Variants in THSD7B observed in about 807,000 individuals in gnomAD.
The protein encoded by THSD7B is thrombospondin type-1 domain-containing protein 7B.
In THSD7B, 138 loss-of-function variants were observed where a neutral mutation model predicts 213.6. The observed-to-expected ratio is 0.65, with a 90% CI of 0.56 to 0.74. THSD7B has a LOEUF of 0.74. Ranked by LOEUF, THSD7B falls within the 30% of genes least tolerant of loss-of-function variation. The pLI, the probability that THSD7B is intolerant of heterozygous loss-of-function variation, is 0.00. For synonymous variants in THSD7B, 742 were observed against 687.0 expected (o/e 1.08, Z -1.25); for missense variants, 1,931 against 1,991.5 (o/e 0.97, Z 0.58).
At chr2:136,811,125 A>G (rs1682368112) in intron 1 of THSD7B, among the ~76,000 whole-genome samples, 1 of 152,222 alleles carries the variant, frequency 6.6e-6, no homozygotes, top group South Asian at 2.1e-4. Context: ...GGCTCTACAC[A>G]GGAATGGGCC....
intron 12 of THSD7B, among the ~76,000 whole-genome samples, chr2:137,312,761 T>C (rs1683952812): frequency 6.6e-6 from 1 of 150,874 alleles, no homozygotes; most frequent in African/African-American, 2.4e-5. Context: ...CATTTCATTA[T>C]GTACCCAGTA....
chr2:137,331,979 C>A (rs571200879), intron 12 of THSD7B, among the ~76,000 whole-genome samples: 2 of 152,152 alleles, frequency 1.3e-5, no homozygotes, highest in East Asian at 3.9e-4. Context: ...GGTTCCCACT[C>A]GCGCCTCTCC....
chr2:137,474,766 C>T (rs1192562216), intron 15 of THSD7B, among the ~76,000 whole-genome samples: 1 of 152,182 alleles, frequency 6.6e-6, no homozygotes, highest in Non-Finnish European at 1.5e-5. Flanking sequence ...ATTAAACTCT[C>T]ATAATCCCAA....
chr2:137,091,232 A>G (rs114433812), intron 3 of THSD7B, among the ~76,000 whole-genome samples: 278 of 152,294 alleles, frequency 1.8e-3, no homozygotes, highest in African/African-American at 6.5e-3. Context: ...CTGGTCCAGG[A>G]GGAAAAGTCA....
chr2:137,122,783 C>T (rs1433690627), intron 5 of THSD7B, among the ~76,000 whole-genome samples: 1 of 152,150 alleles, frequency 6.6e-6, no homozygotes, highest in Non-Finnish European at 1.5e-5. Context: ...TTTCCTCCCT[C>T]ACACATTTAC....
intron 15 of THSD7B, among the ~76,000 whole-genome samples, chr2:137,526,963 C>T (rs767356842): frequency 2.0e-5 from 3 of 151,936 alleles, no homozygotes; most frequent in Non-Finnish European, 2.9e-5. Context: ...TTATCCAATC[C>T]GTAACAAACC....
chr2:137,032,820 A>G (rs1440518356), intron 2 of THSD7B, among the ~76,000 whole-genome samples: 1 of 152,216 alleles, frequency 6.6e-6, no homozygotes, highest in African/African-American at 2.4e-5. Flanking sequence ...GTATCCTTTA[A>G]TTTATCATTG....
At chr2:137,277,376 A>C (rs1682899165) in intron 12 of THSD7B, among the ~76,000 whole-genome samples, 1 of 151,988 alleles carries the variant, frequency 6.6e-6, no homozygotes, top group African/African-American at 2.4e-5. Context: ...ACTTTCTCTA[A>C]ATTTGACACC....
At chr2:136,781,331 C>A (rs897112531) in intron 1 of THSD7B, among the ~76,000 whole-genome samples, 2 of 144,872 alleles carry the variant, frequency 1.4e-5, no homozygotes, top group Non-Finnish European at 3.0e-5. Context: ...ATGGCCTGAT[C>A]TCGGCTCACT....
intron 14 of THSD7B, among the ~76,000 whole-genome samples, chr2:137,424,881 C>T (rs1214421939): frequency 6.6e-6 from 1 of 151,896 alleles, no homozygotes; most frequent in Non-Finnish European, 1.5e-5. Context: ...ACCATCCTGG[C>T]TAAGACGGTG....
intron 4 of THSD7B, among the ~76,000 whole-genome samples, chr2:137,100,798 T>C (rs1688136126): frequency 1.3e-5 from 2 of 152,106 alleles, no homozygotes; most frequent in African/African-American, 4.8e-5. Context: ...ATTGGCATCA[T>C]CAAGGTCAAA....
At chr2:136,791,547 C>A (rs1191527056) in intron 1 of THSD7B, among the ~76,000 whole-genome samples, 1 of 151,478 alleles carries the variant, frequency 6.6e-6, no homozygotes, top group Non-Finnish European at 1.5e-5. Context: ...TCCACTCCCT[C>A]CCCCGCCCCC....
chr2:136,804,528 G>A (rs2104924965), intron 1 of THSD7B, among the ~76,000 whole-genome samples: 1 of 152,010 alleles, frequency 6.6e-6, no homozygotes, highest in South Asian at 2.1e-4. Flanking sequence ...TAAATTTAAG[G>A]CCATAAAGAC....
intron 2 of THSD7B, among the ~76,000 whole-genome samples, chr2:136,953,365 T>C (rs1264432121): frequency 2.0e-5 from 3 of 152,170 alleles, no homozygotes; most frequent in Non-Finnish European, 4.4e-5. Flanking sequence ...TTAAGCTGTT[T>C]TAAAGAACAA....
chr2:137,172,633 A>G (rs1680276119), intron 7 of THSD7B, among the ~76,000 whole-genome samples: 1 of 152,178 alleles, frequency 6.6e-6, no homozygotes, highest in Admixed American at 6.5e-5. Context: ...CAATACATGT[A>G]AAATGTTTCC....
intron 27 of THSD7B, among the ~76,000 whole-genome samples, chr2:137,668,210 G>A (rs902569376): frequency 3.9e-5 from 6 of 152,048 alleles, no homozygotes; most frequent in African/African-American, 1.2e-4. Flanking sequence ...ATTAGTCTTA[G>A]GTGTGGCCAG....
intron 5 of THSD7B, 75 bp from the exon 6 acceptor site, chr2:137,160,138 A>G (rs1679987214): frequency 4.8e-6 from 7 of 1,443,864 alleles, no homozygotes; most frequent in East Asian, 2.4e-5. Context: ...CAAGACAGGC[A>G]TGCAAATAAA....
At chr2:137,106,461 A>G (rs914589680) in intron 4 of THSD7B, among the ~76,000 whole-genome samples, 1 of 152,254 alleles carries the variant, frequency 6.6e-6, no homozygotes, top group African/African-American at 2.4e-5. Flanking sequence ...AACCTAGGCG[A>G]TAGCATTCGG....
At chr2:136,935,567 G>A (rs1223158028) in intron 2 of THSD7B, among the ~76,000 whole-genome samples, 10 of 151,932 alleles carry the variant, frequency 6.6e-5, no homozygotes, top group Non-Finnish European at 1.5e-4. Context: ...GTGAGTTTAG[G>A]GGCAGATATT....
Sources: allele counts gnomAD v4.1 joint callset (sites outside exome capture counted in the v4.1 genomes callset), GRCh38; gene constraint gnomAD v4.1.1; transcripts MANE v1.5; gene names NCBI Gene and HGNC (gene_info 2026-07-23, HGNC 2026-07-21).